Variants in SNX29 observed in about 807,000 individuals in gnomAD.
SNX29 encodes sorting nexin 29.
Under a neutral mutation model 102.1 loss-of-function variants are expected in SNX29, and 78 were observed. That is an observed-to-expected ratio of 0.76 (90% CI 0.64 to 0.92). SNX29 has a LOEUF of 0.92. Among genes scored for constraint, SNX29 ranks in the 40% least tolerant of loss-of-function variants. The pLI, the probability that SNX29 is intolerant of heterozygous loss-of-function variation, is 0.00. For missense variants in SNX29, 1,280 were observed against 1,061.7 expected, an observed-to-expected ratio of 1.21 and a Z score of -2.86; for synonymous variants, 580 against 414.5, an observed-to-expected ratio of 1.40 and a Z score of -4.85.
chr16:12,504,013 C>A (rs945635549), intron 19 of SNX29, among the ~76,000 whole-genome samples: 2 of 152,160 alleles, frequency 1.3e-5, no homozygotes, highest in African/African-American at 4.8e-5. Flanking sequence ...TCATCACCAC[C>A]AGAAGAAACC....
At chr16:12,089,282 G>T (rs937022980) in intron 11 of SNX29, among the ~76,000 whole-genome samples, 8 of 151,968 alleles carry the variant, frequency 5.3e-5, no homozygotes, top group African/African-American at 1.9e-4. Context: ...AGTGAATAAT[G>T]ATTATGACCC....
At chr16:12,530,586 G>C (rs191282214) in intron 20 of SNX29, among the ~76,000 whole-genome samples, 1 of 151,042 alleles carries the variant, frequency 6.6e-6, no homozygotes, top group East Asian at 1.9e-4. Context: ...GAACAGTTGC[G>C]CTCTTGTCGC....
intron 11 of SNX29, among the ~76,000 whole-genome samples, chr16:12,116,192 C>G (rs1414854152): frequency 6.6e-6 from 1 of 152,134 alleles, no homozygotes; most frequent in East Asian, 1.9e-4. Context: ...CCTGTAATTC[C>G]ACTTCTAGGT....
chr16:12,178,802 TGGAA>T (rs1368723959), intron 13 of SNX29, among the ~76,000 whole-genome samples: 1 of 152,228 alleles, frequency 6.6e-6, no homozygotes, highest in Non-Finnish European at 1.5e-5. Context: ...ATGTGTGACT[TGGAA>T]GGAGCATATT....
chr16:11,992,148 GC>G, intron 1 of SNX29, among the ~76,000 whole-genome samples: 1 of 152,142 alleles, frequency 6.6e-6, no homozygotes, highest in East Asian at 1.9e-4. Context: ...TACAAAATTA[GC>G]CCAGTGTGGT....
intron 20 of SNX29, among the ~76,000 whole-genome samples, chr16:12,555,386 C>T (rs973988642): frequency 6.6e-6 from 1 of 152,058 alleles, no homozygotes; most frequent in African/African-American, 2.4e-5. Flanking sequence ...CCTGTCTTTC[C>T]CTGCGTGTCT....
intron 19 of SNX29, among the ~76,000 whole-genome samples, chr16:12,496,029 C>T (rs1000142727): frequency 6.6e-6 from 1 of 151,790 alleles, no homozygotes; most frequent in African/African-American, 2.4e-5. Flanking sequence ...GCCTGGGCGA[C>T]AGGATGAGAC....
chr16:11,999,998 G>A (rs1190830292), intron 2 of SNX29, among the ~76,000 whole-genome samples: 1 of 152,084 alleles, frequency 6.6e-6, no homozygotes, highest in African/African-American at 2.4e-5. Flanking sequence ...GTGCAGAGGT[G>A]GTGGTTTGGA....
intron 4 of SNX29, among the ~76,000 whole-genome samples, chr16:12,028,254 G>A (rs1414468062): frequency 2.0e-5 from 3 of 152,190 alleles, no homozygotes; most frequent in African/African-American, 7.2e-5. Flanking sequence ...GCATTTGGTG[G>A]CGGTGTGTGG....
At chr16:12,383,976 G>C in intron 16 of SNX29, among the ~76,000 whole-genome samples, 1 of 152,064 alleles carries the variant, frequency 6.6e-6, no homozygotes, top group East Asian at 1.9e-4. Flanking sequence ...TGAGATGTTT[G>C]TCTTTCTGTG....
At chr16:12,045,902 G>A (rs2050069266) in intron 5 of SNX29, among the ~76,000 whole-genome samples, 2 of 152,018 alleles carry the variant, frequency 1.3e-5, no homozygotes, top group African/African-American at 2.4e-5. Flanking sequence ...GGGATTACAG[G>A]TGTGAGCCAC....
chr16:12,255,973 G>A (rs1224129228), intron 14 of SNX29, among the ~76,000 whole-genome samples: 2 of 152,166 alleles, frequency 1.3e-5, no homozygotes, highest in African/African-American at 4.8e-5. Context: ...CATAACGGCT[G>A]TACTAATTTA....
At chr16:12,503,838 T>A (rs2089242395) in intron 19 of SNX29, among the ~76,000 whole-genome samples, 2 of 152,218 alleles carry the variant, frequency 1.3e-5, no homozygotes, top group African/African-American at 4.8e-5. Flanking sequence ...GTCCTAAGAT[T>A]AGATTCCATT....
intron 3 of SNX29, among the ~76,000 whole-genome samples, chr16:12,024,395 C>G (rs934837912): frequency 1.3e-5 from 2 of 152,268 alleles, no homozygotes; most frequent in East Asian, 3.9e-4. Flanking sequence ...ATCCACCCGC[C>G]TTGGCCTGCC....
chr16:12,574,228 G>C lies in SNX29; in HGVS notation c.*5599G>C, dbSNP rs150733445. ...GTGGAAATTTTGTTACAACCTGGTT[G>C]AGATCAACCTCTTTACAATGACACA... is the stretch of plus-strand genomic sequence containing the variant. On this transcript the variant is annotated 3_prime_UTR_variant, in exon 21 of 21. Transcript: ENST00000566228. The C allele has an allele frequency of 1.1e-5, 2 of 177,232 alleles. No individual in the cohort carries two copies. Among genetic ancestry groups the C allele is most frequent in the East Asian group, 1.9e-4 (2 of 10,538 alleles). 11.0% of individuals were successfully genotyped at this position (177,232 alleles called of 1,614,324 possible). A position where few individuals can be genotyped will look rare whatever the true frequency, so the allele number is the denominator to read the frequency against.
At chr16:12,079,358 A>T (rs1043893253) in intron 11 of SNX29, among the ~76,000 whole-genome samples, 3 of 152,228 alleles carry the variant, frequency 2.0e-5, no homozygotes, top group Non-Finnish European at 2.9e-5. Flanking sequence ...TATTAGAGAT[A>T]TAGCAAGGAA....
At chr16:12,379,824 G>A (rs537925259) in intron 16 of SNX29, among the ~76,000 whole-genome samples, 36 of 152,304 alleles carry the variant, frequency 2.4e-4, no homozygotes, top group Non-Finnish European at 2.5e-4. Flanking sequence ...CATCGATCCC[G>A]GTGAGTGGGG....
intron 15 of SNX29, among the ~76,000 whole-genome samples, chr16:12,353,615 G>A (rs1425052137): frequency 6.6e-6 from 1 of 152,198 alleles, no homozygotes; most frequent in African/African-American, 2.4e-5. Flanking sequence ...AGCCTCTGGT[G>A]CCGGCATTTG....
chr16:12,337,953 G>A (rs1388180663), intron 15 of SNX29, among the ~76,000 whole-genome samples: 2 of 152,160 alleles, frequency 1.3e-5, no homozygotes, highest in Non-Finnish European at 2.9e-5. Flanking sequence ...TCTCACAGCC[G>A]CTTCACCTTG....
Sources: allele counts gnomAD v4.1 joint callset (sites outside exome capture counted in the v4.1 genomes callset), GRCh38; gene constraint gnomAD v4.1.1; transcripts MANE v1.5; gene names NCBI Gene and HGNC (gene_info 2026-07-23, HGNC 2026-07-21).